The following PTPRD variants were observed in gnomAD, a reference collection of about 807,000 sequenced individuals.
PTPRD encodes protein tyrosine phosphatase receptor type D.
In PTPRD, 34 loss-of-function variants were observed where a neutral mutation model predicts 214.5. That is an observed-to-expected ratio of 0.16 (90% CI 0.12 to 0.21). The LOEUF (loss-of-function observed/expected upper bound fraction) is 0.21, where lower values mean the gene tolerates loss of function less well. Ranked by LOEUF, PTPRD falls within the 10% of genes least tolerant of loss-of-function variation. The pLI, the probability that PTPRD is intolerant of heterozygous loss-of-function variation, is 1.00. For missense variants in PTPRD, 2,545 were observed against 2,398.7 expected, an observed-to-expected ratio of 1.06 and a Z score of -1.27; for synonymous variants, 1,128 against 845.7, an observed-to-expected ratio of 1.33 and a Z score of -5.79.
At chr9:8,877,232 C>T (rs911500215) in intron 11 of PTPRD, among the ~76,000 whole-genome samples, 1 of 152,062 alleles carries the variant, frequency 6.6e-6, no homozygotes, top group Non-Finnish European at 1.5e-5. Flanking sequence ...GCCTGTTTTA[C>T]GTTTTAAATC....
At chr9:8,849,171 ATTTTTTTTT>A (rs746565485) in intron 11 of PTPRD, among the ~76,000 whole-genome samples, 2 of 108,734 alleles carry the variant, frequency 1.8e-5, no homozygotes, top group Non-Finnish European at 3.7e-5. Flanking sequence ...TCAAAAAAAA[ATTTTTTTTT>A]TTTTTTTTTT....
intron 12 of PTPRD, among the ~76,000 whole-genome samples, chr9:8,719,079 C>T (rs1203232221): frequency 6.6e-6 from 1 of 152,132 alleles, no homozygotes; most frequent in Non-Finnish European, 1.5e-5. Context: ...TTCACAGACC[C>T]CTTACAACTT....
chr9:9,824,483 T>C (rs755028536), intron 5 of PTPRD, among the ~76,000 whole-genome samples: 1 of 152,046 alleles, frequency 6.6e-6, no homozygotes, highest in Non-Finnish European at 1.5e-5. Flanking sequence ...TACAGCTTTA[T>C]ATTACTTCTG....
At chr9:8,696,200 C>T (rs370490860) in intron 12 of PTPRD, among the ~76,000 whole-genome samples, 3 of 152,258 alleles carry the variant, frequency 2.0e-5, no homozygotes, top group African/African-American at 4.8e-5. Flanking sequence ...GAAGAGGACA[C>T]GGGATGGGAA....
chr9:8,483,860 T>C (rs1332083512), intron 30 of PTPRD, among the ~76,000 whole-genome samples: 1 of 152,250 alleles, frequency 6.6e-6, no homozygotes, highest in Non-Finnish European at 1.5e-5. Context: ...ATGTTCTATA[T>C]GTTTTTCTGT....
intron 2 of PTPRD, among the ~76,000 whole-genome samples, chr9:10,454,846 CAT>C (rs1034390769): frequency 7.9e-5 from 12 of 151,364 alleles, no homozygotes; most frequent in Non-Finnish European, 1.3e-4. Context: ...TGCACACACA[CAT>C]ATAATAGAAA....
intron 14 of PTPRD, among the ~76,000 whole-genome samples, chr9:8,611,712 AAAAAAAGAAAAGACAAAAG>A: frequency 6.6e-6 from 1 of 151,684 alleles, no homozygotes; most frequent in Non-Finnish European, 1.5e-5. Flanking sequence ...CTGTCAAAAG[AAAAAAAGAAAAGACAAAAG>A]AAAAAAGAAA....
chr9:8,389,348 C>T lies in PTPRD; in HGVS notation c.4270G>A (p.Ala1424Thr), dbSNP rs1564475749. The T allele has an allele frequency of 6.2e-7, 1 of 1,612,870 alleles. No homozygotes were observed. The highest frequency in any genetic ancestry group is 8.5e-7 in the Non-Finnish European group (1 of 1,179,294). ...NYIDGYRKQN[A>T]YIATQGSLPE... ...AGAGATCCCTGTGTTGCAATATAGGCATTTTGCTTCCTATACCCATCTATG... is the reference window on the plus strand; with the variant it reads ...AGAGATCCCTGTGTTGCAATATAGGTATTTTGCTTCCTATACCCATCTATG... Residue 1424 changes from alanine (A) to threonine (T), a missense_variant, in exon 37 of 46, where the codon GCC (alanine) becomes ACC (threonine). Coordinates refer to ENST00000381196, the MANE Select transcript of PTPRD (RefSeq NM_002839.4).
intron 7 of PTPRD, among the ~76,000 whole-genome samples, chr9:9,619,474 A>G (rs2154351715): frequency 6.8e-6 from 1 of 148,014 alleles, no homozygotes; most frequent in East Asian, 2.0e-4. Flanking sequence ...GTATATATTC[A>G]CATATTCTAT....
chr9:8,758,824 G>A (rs1360268585), intron 11 of PTPRD, among the ~76,000 whole-genome samples: 2 of 150,852 alleles, frequency 1.3e-5, no homozygotes, highest in Non-Finnish European at 2.9e-5. Flanking sequence ...ATGGCGCGAT[G>A]ACAGGCGTGT....
chr9:8,457,304 C>A (rs533205273), intron 33 of PTPRD, among the ~76,000 whole-genome samples: 1 of 152,026 alleles, frequency 6.6e-6, no homozygotes, highest in East Asian at 1.9e-4. Flanking sequence ...ACTATCTTAT[C>A]TCTGGAATGT....
chr9:10,525,737 T>TGC (rs2054063050), intron 2 of PTPRD, among the ~76,000 whole-genome samples: 1 of 151,396 alleles, frequency 6.6e-6, no homozygotes, highest in East Asian at 1.9e-4. Context: ...AGTGTGTGTG[T>TGC]GTGTGTGTGT....
intron 3 of PTPRD, among the ~76,000 whole-genome samples, chr9:10,040,676 T>A (rs947056253): frequency 6.6e-6 from 1 of 152,078 alleles, no homozygotes; most frequent in Non-Finnish European, 1.5e-5. Context: ...CTAAAATGGC[T>A]TAAACATTTT....
At chr9:8,963,733 C>T (rs1312330379) in intron 11 of PTPRD, among the ~76,000 whole-genome samples, 1 of 152,072 alleles carries the variant, frequency 6.6e-6, no homozygotes, top group Non-Finnish European at 1.5e-5. Context: ...CATCCTCCCA[C>T]CTCAGCCTTC....
At chr9:9,866,891 G>A (rs77772551) in intron 5 of PTPRD, among the ~76,000 whole-genome samples, 1 of 152,222 alleles carries the variant, frequency 6.6e-6, no homozygotes, top group East Asian at 1.9e-4. Flanking sequence ...GAACAACAAA[G>A]TTCCTATTAA....
In PTPRD at chr9:8,315,232, G is replaced by C. The variant is rs1232344430; in HGVS notation, c.*2642C>G. ...TAGTTCTAGGAACAGCTCCTGAACA[G>C]TAAGATTCCCGCAATAGTCTCCGCC... On this transcript the variant is annotated 3_prime_UTR_variant, in exon 46 of 46. Transcript: ENST00000381196. 18 of 232,638 alleles carry C rather than the reference G, an allele frequency of 7.7e-5. No individual in the cohort carries two copies. The Admixed American group carries it at 8.5e-4, about 11-fold the overall frequency. 14.4% of individuals were successfully genotyped at this position (232,638 alleles called of 1,614,324 possible).
chr9:9,139,537 G>C (rs961237642), intron 10 of PTPRD, among the ~76,000 whole-genome samples: 1 of 152,110 alleles, frequency 6.6e-6, no homozygotes, highest in Non-Finnish European at 1.5e-5. Flanking sequence ...CATGCTCTGT[G>C]ATACCGCGAC....
At chr9:8,432,869 C>T (rs1197315776) in intron 35 of PTPRD, among the ~76,000 whole-genome samples, 1 of 152,192 alleles carries the variant, frequency 6.6e-6, no homozygotes, top group Non-Finnish European at 1.5e-5. Context: ...TCTATGTGGG[C>T]TATCAGGTCC....
chr9:8,878,363 A>G (rs1000594345), intron 11 of PTPRD, among the ~76,000 whole-genome samples: 6 of 152,162 alleles, frequency 3.9e-5, no homozygotes, highest in African/African-American at 1.4e-4. Flanking sequence ...GACAAATTAA[A>G]GAGACAGAAC....
Sources: allele counts gnomAD v4.1 joint callset (sites outside exome capture counted in the v4.1 genomes callset), GRCh38; gene constraint gnomAD v4.1.1; transcripts MANE v1.5; gene names NCBI Gene and HGNC (gene_info 2026-07-23, HGNC 2026-07-21).